The following CPT1A variants were observed in gnomAD, a reference collection of about 807,000 sequenced individuals.
The protein encoded by CPT1A is carnitine palmitoyltransferase 1A, also known as carnitine O-palmitoyltransferase 1, liver isoform.
CPT1A carries 64 observed loss-of-function variants against 100.8 expected under a neutral mutation model. The ratio of observed to expected loss-of-function variants is 0.63; its 90% CI spans 0.52 to 0.78. The LOEUF is 0.78. Among genes scored for constraint, CPT1A ranks in the 30% least tolerant of loss-of-function variants. The probability of loss-of-function intolerance (pLI) is 0.00; values close to 1 mark genes in which losing one functional copy is unlikely to be tolerated. For missense variants in CPT1A, 802 were observed against 1,034.1 expected (o/e 0.78, Z 3.08); for synonymous variants, 363 against 396.0 (o/e 0.92, Z 0.99).
intron 1 of CPT1A, among the ~76,000 whole-genome samples, chr11:68,834,547 T>C (rs1856962586): frequency 6.6e-6 from 1 of 152,160 alleles, no homozygotes; most frequent in South Asian, 2.1e-4. Context: ...AGCCCAGGTA[T>C]TTGAGACCAA....
chr11:68,789,392 T>G (rs1262720993), intron 9 of CPT1A, among the ~76,000 whole-genome samples: 1 of 151,996 alleles, frequency 6.6e-6, no homozygotes, highest in Non-Finnish European at 1.5e-5. Flanking sequence ...TCATATACAT[T>G]TACCTTTCTT....
chr11:68,792,050 C>T (rs1485798666), intron 9 of CPT1A, among the ~76,000 whole-genome samples: 1 of 152,058 alleles, frequency 6.6e-6, no homozygotes, highest in Non-Finnish European at 1.5e-5. Flanking sequence ...CTCAAAACTG[C>T]AGGTCAGGCC....
intron 12 of CPT1A, among the ~76,000 whole-genome samples, chr11:68,777,024 G>T (rs115511619): frequency 6.6e-6 from 1 of 152,220 alleles, no homozygotes; most frequent in Non-Finnish European, 1.5e-5. Context: ...CCGCTAATAC[G>T]TGGGGGTCAC....
intron 12 of CPT1A, 27 bp downstream of exon 12, chr11:68,780,613 A>T (rs747587872): frequency 1.4e-5 from 23 of 1,599,666 alleles, no homozygotes; most frequent in Non-Finnish European, 2.0e-5. Flanking sequence ...CAACTTCCAC[A>T]TTCAAGTGAA....
At chr11:68,779,483 C>T (rs534750553) in intron 12 of CPT1A, among the ~76,000 whole-genome samples, 118 of 86,702 alleles carry the variant, frequency 1.4e-3, no homozygotes, top group Non-Finnish European at 1.9e-3. Context: ...TTCAGAGTAA[C>T]GAATTATTAA....
intron 12 of CPT1A, among the ~76,000 whole-genome samples, chr11:68,778,630 A>G (rs1855208418): frequency 6.6e-6 from 1 of 151,596 alleles, no homozygotes; most frequent in East Asian, 2.0e-4. Context: ...GGGGAGGCAG[A>G]GGTGGCAGTG....
At position 68,797,960 on chromosome 11, in the gene CPT1A, G is replaced by T. The variant is rs773633969; in HGVS notation, c.694-1027C>A. Among the ~76,000 whole-genome samples the T allele has an allele frequency of 3.9e-5, 6 of 152,288 alleles. No homozygotes were observed. In the South Asian group the frequency reaches 6.2e-4, roughly 16 times the overall value. ...TCCACTGCACTCCAGCCTGGGTGAC[G>T]AGCGAGACTTTGTCTCAGAAACTAA... On this transcript the variant is annotated intron_variant, in intron 6 of 18. Transcript: ENST00000265641.
In CPT1A at chr11:68,841,755, C is replaced by T. The variant is rs912407700; in HGVS notation, c.-14+20G>A. The T allele has an allele frequency of 3.1e-6, 3 of 980,218 alleles. No individual in the cohort carries two copies. The African/African-American group carries it at 5.3e-5, about 17-fold the overall frequency. 60.7% of individuals were successfully genotyped at this position (980,218 alleles called of 1,614,324 possible). On this transcript the variant is annotated intron_variant, in intron 1 of 18. Coordinates refer to ENST00000265641, the MANE Select transcript of CPT1A (RefSeq NM_001876.4). This position sits in a 1 kb window ranked among gnomAD's most constrained non-coding sequence, Gnocchi z 6.3. ...AGGGCCGCCCCGCCACCCTCCCCAC[C>T]GCGGGCGACCGGGCCTCACCGAGTC...
chr11:68,800,104 T>C (rs1465333262), intron 5 of CPT1A, among the ~76,000 whole-genome samples: 2 of 152,164 alleles, frequency 1.3e-5, no homozygotes, highest in Non-Finnish European at 2.9e-5. Flanking sequence ...AGAGTCATGC[T>C]GAGAGCTGGG....
intron 9 of CPT1A, among the ~76,000 whole-genome samples, chr11:68,792,203 G>C (rs1379326305): frequency 2.0e-5 from 3 of 152,046 alleles, no homozygotes; most frequent in Non-Finnish European, 4.4e-5. Flanking sequence ...CGGGCGTGGT[G>C]GCAGACACCT....
intron 2 of CPT1A, among the ~76,000 whole-genome samples, 194 bp downstream of exon 2, chr11:68,815,140 T>G (rs1856348481): frequency 6.6e-6 from 1 of 152,182 alleles, no homozygotes. Context: ...TCCCTCCACC[T>G]GCCTAATGGA....
chr11:68,787,677 C>T (rs1390431087), intron 9 of CPT1A, among the ~76,000 whole-genome samples: 1 of 151,948 alleles, frequency 6.6e-6, no homozygotes, highest in Non-Finnish European at 1.5e-5. Context: ...TGCGGTGGCT[C>T]ACGTCTATAA....
Position 68,807,562 on chromosome 11 carries a change from C to A in CPT1A, c.358G>T (p.Val120Phe), listed in dbSNP as rs150350585. ...FGTGLWVALI[V>F]TMRYSLKVLL... ...ACTTTCAGGGAGTAGCGCATGGTGA[C>A]GATGAGGGCCACCCACAGGCCGGTG... The change falls in exon 4 of 19, where the codon GTC becomes TTC. Residue 120 changes from valine (V) to phenylalanine (F), a missense_variant. Val to Phe is a conservative substitution (Grantham distance 50, BLOSUM62 -1). Around this residue, in one of 4 missense-constraint regions of CPT1A, gnomAD observed 161 missense variants for 183.7 expected, o/e 0.88. Coordinates refer to ENST00000265641, the MANE Select transcript of CPT1A (RefSeq NM_001876.4). 2 of 1,614,032 alleles carry A rather than the reference C, an allele frequency of 1.2e-6. No homozygotes were observed. Among genetic ancestry groups the A allele is most frequent in the African/African-American group, 1.3e-5 (1 of 74,926 alleles).
intron 13 of CPT1A, among the ~76,000 whole-genome samples, chr11:68,774,596 C>G (rs1052233960): frequency 2.0e-5 from 3 of 151,686 alleles, no homozygotes; most frequent in African/African-American, 7.3e-5. Flanking sequence ...GCACTTACCA[C>G]TATGCCCGGC....
intron 1 of CPT1A, among the ~76,000 whole-genome samples, chr11:68,824,323 A>G (rs1384398202): frequency 1.3e-5 from 2 of 151,932 alleles, no homozygotes; most frequent in African/African-American, 4.8e-5. Flanking sequence ...GGGAGGCAGC[A>G]GGGCAAGGGC....
chr11:68,786,058 G>A (rs571896904), intron 9 of CPT1A: 9 of 702,176 alleles, frequency 1.3e-5, no homozygotes, highest in South Asian at 1.2e-4. Flanking sequence ...ACAAATAAAT[G>A]CATGATTAAA....
intron 14 of CPT1A, 51 bp downstream of exon 14, chr11:68,773,214 G>A (rs530024902): frequency 1.2e-6 from 2 of 1,610,334 alleles, no homozygotes; most frequent in Non-Finnish European, 8.5e-7. Flanking sequence ...TTGGGCAGGT[G>A]TAGGAACCCC....
In CPT1A at chr11:68,781,767, G is replaced by A. The variant is rs1397008051; in HGVS notation, c.1352+4C>T. 1 of 1,614,006 alleles carries A rather than the reference G, an allele frequency of 6.2e-7. No homozygotes were observed. Among genetic ancestry groups the A allele is most frequent in the Non-Finnish European group, 8.5e-7 (1 of 1,179,970 alleles). On this transcript the variant is annotated splice_donor_region_variant and intron_variant, in intron 11 of 18. Coordinates refer to ENST00000265641, the MANE Select transcript of CPT1A (RefSeq NM_001876.4). ...TCCTGTCTCTCAGAAGGTAAGGACG[G>A]TACCTGTCGTAACATCGGCCGTGTA...
At chr11:68,819,967 A>G (rs930255345) in intron 1 of CPT1A, among the ~76,000 whole-genome samples, 15 of 152,284 alleles carry the variant, frequency 9.9e-5, no homozygotes, top group Admixed American at 2.0e-4. Flanking sequence ...GCTTAAAAAC[A>G]CTGATATAGC....
Sources: gnomAD v4.1 joint callset for allele counts (sites outside exome capture counted in the v4.1 genomes callset) on GRCh38, gnomAD v4.1.1 for gene constraint, gnomAD v4.1.1 regional missense constraint, Gnocchi (gnomAD v3.1) non-coding constraint, MANE v1.5 for transcripts, NCBI Gene and HGNC (gene_info 2026-07-23, HGNC 2026-07-21) for gene names.